PREX2: variants seen among roughly 807,000 people sequenced by gnomAD.
PREX2 encodes phosphatidylinositol-3,4,5-trisphosphate dependent Rac exchange factor 2.
In PREX2, 107 loss-of-function variants were observed where a neutral mutation model predicts 203.2. That is an observed-to-expected ratio of 0.53 (90% confidence interval 0.45 to 0.62). PREX2 has a LOEUF of 0.62. PREX2 is among the 20% of genes least tolerant of loss of function. The probability of loss-of-function intolerance (pLI) is 0.00; values close to 1 mark genes in which losing one functional copy is unlikely to be tolerated. For missense variants in PREX2, 1,777 were observed against 1,955.9 expected, an observed-to-expected ratio of 0.91 and a Z score of 1.72; for synonymous variants, 672 against 663.6, an observed-to-expected ratio of 1.01 and a Z score of -0.19.
intron 37 of PREX2, among the ~76,000 whole-genome samples, chr8:68,206,324 T>A (rs188785021): frequency 6.6e-6 from 1 of 152,342 alleles, no homozygotes; most frequent in African/African-American, 2.4e-5. Context: ...CTACTCAGAA[T>A]GTTCAGTTGA....
At position 68,121,006 on chromosome 8, in the gene PREX2, C is replaced by G. The variant is rs1475280627; in HGVS notation, c.3681C>G (p.Ser1227Arg). The G allele has an allele frequency of 6.2e-7, 1 of 1,613,806 alleles. No individual in the cohort carries two copies. The highest frequency in any genetic ancestry group is 1.1e-5 in the South Asian group (1 of 91,074). The change falls in exon 30 of 40, where the codon AGC becomes AGG. Residue 1227 changes from serine (S) to arginine (R), a missense_variant. By Grantham distance (110) the Ser-to-Arg change is moderately radical. Transcript: ENST00000288368. Reference protein sequence around the residue: ...HIKQDPWNLPSSVRTLAQNIR... With the variant: ...HIKQDPWNLPRSVRTLAQNIR... ...AGCAAGATCCTTGGAATCTTCCCAG[C>G]AGCGTCCGGACTCTTGCTCAGAACA...
intron 3 of PREX2, among the ~76,000 whole-genome samples, chr8:68,021,127 T>C (rs1166836398): frequency 6.6e-6 from 1 of 152,140 alleles, no homozygotes; most frequent in Admixed American, 6.5e-5. Flanking sequence ...ATGGTACAAA[T>C]CCTCTTGTTT....
intron 1 of PREX2, among the ~76,000 whole-genome samples, chr8:67,969,116 C>T (rs1805854989): frequency 6.6e-6 from 1 of 152,094 alleles, no homozygotes; most frequent in African/African-American, 2.4e-5. Context: ...CCTGGAGGCC[C>T]TGAGTGCTGA....
At chr8:68,056,776 AG>A (rs781216392) in intron 10 of PREX2, among the ~76,000 whole-genome samples, 6 of 152,200 alleles carry the variant, frequency 3.9e-5, no homozygotes, top group Non-Finnish European at 7.3e-5. Flanking sequence ...CCAATGCCCA[AG>A]TTTATAAAGT....
At chr8:68,175,708 G>A (rs939402531) in intron 35 of PREX2, among the ~76,000 whole-genome samples, 1 of 152,026 alleles carries the variant, frequency 6.6e-6, no homozygotes, top group Non-Finnish European at 1.5e-5. Flanking sequence ...ATTTCACATG[G>A]TCAGGGAAGA....
At chr8:67,976,256 T>C (rs1017420282) in intron 1 of PREX2, among the ~76,000 whole-genome samples, 3 of 152,076 alleles carry the variant, frequency 2.0e-5, no homozygotes, top group Non-Finnish European at 1.5e-5. Context: ...TCTTGGAAAA[T>C]GTGCTTTTAG....
At chr8:68,181,475 C>T (rs1812084446) in intron 35 of PREX2, among the ~76,000 whole-genome samples, 1 of 152,064 alleles carries the variant, frequency 6.6e-6, no homozygotes, top group South Asian at 2.1e-4. Context: ...TTCCATACTG[C>T]TTCAGTTGAT....
chr8:68,001,259 C>A (rs1313522446), intron 1 of PREX2, among the ~76,000 whole-genome samples: 1 of 151,864 alleles, frequency 6.6e-6, no homozygotes, highest in Non-Finnish European at 1.5e-5. Flanking sequence ...ATGAACAAAC[C>A]CATTAAAAAC....
intron 6 of PREX2, among the ~76,000 whole-genome samples, chr8:68,033,609 T>G (rs1807948111): frequency 6.6e-6 from 1 of 152,152 alleles, no homozygotes; most frequent in African/African-American, 2.4e-5. Context: ...TGAAACTATT[T>G]GACAGTCTCA....
chr8:68,097,514 G>A (rs1474587751), intron 22 of PREX2, among the ~76,000 whole-genome samples: 3 of 152,092 alleles, frequency 2.0e-5, no homozygotes, highest in Admixed American at 6.5e-5. Flanking sequence ...TAGTAGAGAT[G>A]AGGTTTCACC....
chr8:68,027,182 T>G (rs767746229), intron 4 of PREX2, 40 bp from the exon 5 acceptor site: 1 of 1,418,568 alleles, frequency 7.0e-7, no homozygotes, highest in Admixed American at 1.7e-5. Context: ...CAGCGTGAGA[T>G]TATTAAAGAT....
At chr8:67,976,717 C>CAG (rs770608418) in intron 1 of PREX2, among the ~76,000 whole-genome samples, 9 of 52,126 alleles carry the variant, frequency 1.7e-4, no homozygotes, top group Admixed American at 1.2e-3. Context: ...GGGAGAGAGA[C>CAG]AGAGAGAGAG....
intron 1 of PREX2, among the ~76,000 whole-genome samples, chr8:67,998,624 T>G (rs1263199106): frequency 6.6e-6 from 1 of 152,074 alleles, no homozygotes; most frequent in East Asian, 1.9e-4. Flanking sequence ...AAAAATTAGC[T>G]AGGCACGGTG....
chr8:68,094,536 G>A (rs1428536410), intron 21 of PREX2, among the ~76,000 whole-genome samples: 3 of 152,208 alleles, frequency 2.0e-5, no homozygotes, highest in South Asian at 2.1e-4. Context: ...GTTTCAAAAC[G>A]TTTTCACAGA....
At position 67,952,415 on chromosome 8, in the gene PREX2, A is replaced by G. The variant is rs75220379; in HGVS notation, c.21A>G (p.Gly7=). The part of the protein sequence containing the change: MSEDSR[G]DSRAESAKDL... ...CGACCATGAGCGAGGACAGCCGCGGAGACAGCCGCGCCGAGAGCGCCAAGG... is the reference window on the plus strand; with the variant it reads ...CGACCATGAGCGAGGACAGCCGCGGGGACAGCCGCGCCGAGAGCGCCAAGG... Residue 7 remains glycine (G), a synonymous_variant, in exon 1 of 40, where the codon GGA becomes GGG. Transcript: ENST00000288368. 146 of 1,567,580 alleles carry G rather than the reference A, an allele frequency of 9.3e-5. 3 individuals are homozygous for G. In the East Asian group the frequency reaches 2.3e-3, roughly 24 times the overall value.
In PREX2 at chr8:68,027,242, A is replaced by G; in HGVS notation, c.462A>G (p.Gly154=). 2.5e-6 allele frequency: 4 copies of G among 1,611,736 alleles called. No homozygotes were observed. Among genetic ancestry groups the G allele is most frequent in the East Asian group, 2.2e-5 (1 of 44,814 alleles). Residue 154 remains glycine (G), a synonymous_variant, in exon 5 of 40, where the codon GGA becomes GGG. Coordinates refer to ENST00000288368, the MANE Select transcript of PREX2 (RefSeq NM_024870.4). ...TFLLNCMLLG[G]RKNTDVPLEG... Reference sequence around the variant, plus strand: ...CCCAGAACTGCATGCTGCTTGGAGGACGGAAGAACACAGATGTTCCCTTGG... The same window carrying G: ...CCCAGAACTGCATGCTGCTTGGAGGGCGGAAGAACACAGATGTTCCCTTGG...
At chr8:68,228,029 C>T (rs12549988) in intron 39 of PREX2, among the ~76,000 whole-genome samples, 37,201 of 151,964 alleles carry the variant, frequency 0.24, 5,536 homozygotes, top group South Asian at 0.46. Flanking sequence ...AATACAAAGA[C>T]AAAATAAATT....
chr8:68,088,334 T>C (rs941981282), intron 19 of PREX2, among the ~76,000 whole-genome samples: 1 of 152,204 alleles, frequency 6.6e-6, no homozygotes, highest in Non-Finnish European at 1.5e-5. Flanking sequence ...TCTCTTCTTA[T>C]CATATGTATT....
chr8:68,223,091 T>C (rs981863963), intron 38 of PREX2, among the ~76,000 whole-genome samples: 2 of 152,084 alleles, frequency 1.3e-5, no homozygotes, highest in Non-Finnish European at 2.9e-5. Flanking sequence ...GAAACCTTAG[T>C]GGGAGAAAAT....
Sources: gnomAD v4.1 joint callset for allele counts (sites outside exome capture counted in the v4.1 genomes callset) on GRCh38, gnomAD v4.1.1 for gene constraint, MANE v1.5 for transcripts, NCBI Gene and HGNC (gene_info 2026-07-23, HGNC 2026-07-21) for gene names.